Variants in CLGN observed in about 807,000 individuals in gnomAD.
CLGN encodes the protein calmegin, also known as testis tissue sperm-binding protein Li 79P.
A neutral mutation model predicts 79.1 loss-of-function variants in CLGN; 62 were observed. The observed-to-expected ratio is 0.78, with a 90% CI of 0.64 to 0.97. The LOEUF (loss-of-function observed/expected upper bound fraction) is 0.97, where lower values mean the gene tolerates loss of function less well. Among genes scored for constraint, CLGN ranks in the 50% least tolerant of loss-of-function variants. The probability of loss-of-function intolerance (pLI) is 0.00; values close to 1 mark genes in which losing one functional copy is unlikely to be tolerated. For missense variants in CLGN, 647 were observed against 715.5 expected, an observed-to-expected ratio of 0.90 and a Z score of 1.09; for synonymous variants, 225 against 224.7, an observed-to-expected ratio of 1.00 and a Z score of -0.01.
At chr4:140,416,778 G>A (rs1488913228) in intron 1 of CLGN, among the ~76,000 whole-genome samples, 1 of 152,260 alleles carries the variant, frequency 6.6e-6, no homozygotes, top group African/African-American at 2.4e-5. Flanking sequence ...GGTACAAGGA[G>A]GAACTGCTAC....
At chr4:140,423,890 T>A (rs1002281043) in intron 1 of CLGN, among the ~76,000 whole-genome samples, 4 of 152,218 alleles carry the variant, frequency 2.6e-5, no homozygotes, top group African/African-American at 9.6e-5. Context: ...CCAATTTTAG[T>A]TATTTGAGTC....
rs201415690 is a variant in CLGN, at chr4:140,392,554, G to GA, written c.1491+31dup. 3,016 of 1,564,762 alleles carry GA rather than the reference G, an allele frequency of 1.9e-3. 86 individuals carry two copies. The Admixed American group carries it at 0.057, about 29-fold the overall frequency. On this transcript the variant is annotated intron_variant, in intron 12 of 14. Transcript: ENST00000325617. Reference sequence around the variant, plus strand: ...CTCTTAAACAACAAGAAATTTGGGTGAAAAAAGTTGAAGGAAATCCATTTT... The same window carrying GA: ...CTCTTAAACAACAAGAAATTTGGGTGAAAAAAAGTTGAAGGAAATCCATTTT...
chr4:140,409,605 A>T (rs753330301), intron 4 of CLGN, among the ~76,000 whole-genome samples: 1 of 152,084 alleles, frequency 6.6e-6, no homozygotes, highest in Non-Finnish European at 1.5e-5. Flanking sequence ...AGTAGAGTGA[A>T]AATTCAACTG....
intron 10 of CLGN, among the ~76,000 whole-genome samples, chr4:140,394,436 C>T (rs573454537): frequency 1.3e-5 from 2 of 152,272 alleles, no homozygotes; most frequent in Admixed American, 6.5e-5. Context: ...TTAACATATA[C>T]CCATGACAGA....
At chr4:140,407,501 G>A (rs1011892959) in intron 4 of CLGN, among the ~76,000 whole-genome samples, 2 of 150,606 alleles carry the variant, frequency 1.3e-5, no homozygotes, top group Admixed American at 1.3e-4. Flanking sequence ...CAAAATCAAT[G>A]TACACAAATC....
chr4:140,410,596 C>T lies in CLGN; in HGVS notation c.175G>A (p.Glu59Lys). ...TCAAAAGTTTCTGCAAAATATACTT[C>T]TCCTATAGGTTGAGGTGTCTTATAT... Reference protein sequence around the residue: ...IKYKTPQPIGEVYFAETFDSG... With the variant: ...IKYKTPQPIGKVYFAETFDSG... The change falls in exon 3 of 15, where the codon GAA becomes AAA. Residue 59 changes from glutamate to lysine, a missense_variant. Transcript: ENST00000325617. The T allele has an allele frequency of 6.2e-7, 1 of 1,602,516 alleles. No individual in the cohort carries two copies. The highest frequency in any genetic ancestry group is 8.5e-7 in the Non-Finnish European group (1 of 1,169,960).
In CLGN at chr4:140,400,555, AAG is replaced by A. The variant is rs772136676; in HGVS notation, c.502-8_502-7del. 37 of 1,563,940 alleles carry A rather than the reference AAG, an allele frequency of 2.4e-5. No individual in the cohort carries two copies. In the African/African-American group the frequency reaches 4.9e-4, roughly 21 times the overall value. Reference sequence around the variant, plus strand: ...GTTTTATCATAAAAGTTTTCCTTCAAAGAGAGATGAGTGTTGGCATTAGTCCA... The same window carrying A: ...GTTTTATCATAAAAGTTTTCCTTCAAAGAGATGAGTGTTGGCATTAGTCCA... On this transcript the variant is annotated splice_region_variant and splice_polypyrimidine_tract_variant and intron_variant, in intron 6 of 14. Transcript: ENST00000325617.
chr4:140,421,190 A>G (rs1729462131), intron 1 of CLGN, among the ~76,000 whole-genome samples: 1 of 152,154 alleles, frequency 6.6e-6, no homozygotes, highest in Non-Finnish European at 1.5e-5. Context: ...CATTTTGTTT[A>G]TACATTCATC....
chr4:140,391,178 T>C (rs1217913331), intron 13 of CLGN, among the ~76,000 whole-genome samples: 1 of 151,786 alleles, frequency 6.6e-6, no homozygotes, highest in Non-Finnish European at 1.5e-5. Context: ...AACCAAAAGA[T>C]ATTAAGCACG....
At chr4:140,407,788 A>G (rs1336433414) in intron 4 of CLGN, among the ~76,000 whole-genome samples, 1 of 152,016 alleles carries the variant, frequency 6.6e-6, no homozygotes, top group African/African-American at 2.4e-5. Flanking sequence ...CAGTGTGATT[A>G]TTGTGAAAAT....
At chr4:140,417,932 C>T (rs1210605401) in intron 1 of CLGN, among the ~76,000 whole-genome samples, 1 of 152,078 alleles carries the variant, frequency 6.6e-6, no homozygotes. Flanking sequence ...GGAGGCATCA[C>T]ACTACCTGAC....
chr4:140,389,142 A>G lies in CLGN; in HGVS notation c.*82T>C. On this transcript the variant is annotated 3_prime_UTR_variant, in exon 15 of 15. Transcript: ENST00000325617. ...TAGATATTAGAAACAGGATGTGCAG[A>G]CTGATTAAAGTTCAGGTCTGGCATG... is the stretch of plus-strand genomic sequence containing the variant. 1.2e-5 allele frequency: 12 copies of G among 999,478 alleles called. No individual in the cohort carries two copies. The Middle Eastern group carries it at 2.1e-3, about 172-fold the overall frequency. 61.9% of individuals were successfully genotyped at this position (999,478 alleles called of 1,614,324 possible).
In CLGN at chr4:140,390,666, C is replaced by T. The variant is rs545177462; in HGVS notation, c.1714G>A (p.Glu572Lys). Reference protein sequence around the residue: ...EEIEIIEGQEESNQSNKSGSE... With the variant: ...EEIEIIEGQEKSNQSNKSGSE... ...CCAGACTTATTTGATTGATTACTTT[C>T]TTCTTGCCCTTCTATGATTTCAATT... The change falls in exon 14 of 15, where the codon GAA (glutamate) becomes AAA (lysine). Residue 572 changes from glutamate to lysine, a missense_variant. Transcript: ENST00000325617. 6 of 1,605,112 alleles carry T rather than the reference C, an allele frequency of 3.7e-6. No homozygotes were observed. In the South Asian group the frequency reaches 5.5e-5, roughly 15 times the overall value.
chr4:140,394,079 T>C (rs771819099), intron 10 of CLGN, 38 bp from the exon 11 acceptor site: 6 of 1,439,144 alleles, frequency 4.2e-6, no homozygotes, highest in Non-Finnish European at 5.8e-6. Context: ...TCAAATAAAA[T>C]AACTTCATTA....
chr4:140,405,372 G>T (rs1000270046), intron 5 of CLGN, among the ~76,000 whole-genome samples: 1 of 150,052 alleles, frequency 6.7e-6, no homozygotes, highest in African/African-American at 2.4e-5. Context: ...TTTTAGTAGA[G>T]ACGGGGTTTC....
intron 8 of CLGN, among the ~76,000 whole-genome samples, chr4:140,397,560 T>C (rs1212797844): frequency 1.3e-5 from 2 of 152,124 alleles, no homozygotes; most frequent in African/African-American, 4.8e-5. Context: ...TCTTCCCTAT[T>C]CCAATATAAT....
At chr4:140,405,644 C>G (rs1286205975) in intron 5 of CLGN, among the ~76,000 whole-genome samples, 2 of 152,084 alleles carry the variant, frequency 1.3e-5, no homozygotes, top group African/African-American at 2.4e-5. Context: ...AATACAAGCA[C>G]TCAGACCAAA....
rs767445232 is a variant in CLGN at position 140,393,874 on chromosome 4, C to T, written c.1317G>A (p.Trp439Ter). Residue 439 changes from tryptophan to a stop codon, truncating the protein, a stop_gained, in exon 11 of 15, where the codon TGG becomes TGA. Transcript: ENST00000325617. LOFTEE classifies it high-confidence loss of function. ...TTTTCCATCTCCAACCATCTGCAGC[C>T]CAGTGATCTGCTACTTCCTTTTCCG... ...ICSEKEVADH[W>*]AADGWRWKIM... 1 of 1,613,656 alleles carries T rather than the reference C, an allele frequency of 6.2e-7. No individual in the cohort carries two copies. The highest frequency in any genetic ancestry group is 8.5e-7 in the Non-Finnish European group (1 of 1,179,776).
chr4:140,395,781 T>G (rs1384693833), intron 10 of CLGN, 38 bp downstream of exon 10: 1 of 1,354,048 alleles, frequency 7.4e-7, no homozygotes, highest in Non-Finnish European at 9.6e-7. Context: ...TCACAACATT[T>G]TTAACTTCAC....
Sources: gnomAD v4.1 joint callset for allele counts (sites outside exome capture counted in the v4.1 genomes callset) on GRCh38, gnomAD v4.1.1 for gene constraint, MANE v1.5 for transcripts, NCBI Gene and HGNC (gene_info 2026-07-23, HGNC 2026-07-21) for gene names.